Variants in MFSD12 observed in about 807,000 individuals in gnomAD.
MFSD12 encodes major facilitator superfamily domain containing 12.
MFSD12 carries 67 observed loss-of-function variants against 51.2 expected under a neutral mutation model. The ratio of observed to expected loss-of-function variants is 1.31; its 90% CI spans 1.08 to 1.60. The LOEUF (loss-of-function observed/expected upper bound fraction) is 1.60, where lower values mean the gene tolerates loss of function less well. Ranked by LOEUF, MFSD12 falls within the 40% of genes most tolerant of loss-of-function variation. The pLI, the probability that MFSD12 is intolerant of heterozygous loss-of-function variation, is 0.00. For synonymous variants in MFSD12, 441 were observed against 316.7 expected (o/e 1.39, Z -4.17); for missense variants, 921 against 673.0 (o/e 1.37, Z -4.08).
chr19:3,546,425 T>A lies in MFSD12; in HGVS notation c.1024A>T (p.Met342Leu), dbSNP rs369874343. 4 of 1,603,812 alleles carry A rather than the reference T, an allele frequency of 2.5e-6. No homozygotes were observed. In the African/African-American group the frequency reaches 5.3e-5, roughly 21 times the overall value. Residue 342 changes from methionine (M) to leucine (L), a missense_variant and splice_region_variant, in exon 7 of 10, where the codon ATG becomes TTG. By Grantham distance (15) the Met-to-Leu change is conservative (BLOSUM62 2). Coordinates refer to ENST00000355415, the MANE Select transcript of MFSD12 (RefSeq NM_174983.5). ...ACCAGGAGGCCTGAGAAGTAGGTCATCTGCAGGGACAGCCCCGGGGTCAGG... is the reference window on the plus strand; with the variant it reads ...ACCAGGAGGCCTGAGAAGTAGGTCAACTGCAGGGACAGCCCCGGGGTCAGG... The part of the protein sequence containing the change: ...KPINKCIGRN[M>L]TYFSGLLVIL...
At chr19:3,538,685 G>A in exon 5 of MFSD12, 1 of 472,806 alleles carries the variant, frequency 2.1e-6, no homozygotes, top group Middle Eastern at 3.3e-4. Flanking sequence ...CACCTTCACT[G>A]GGTGTTCGGT....
At chr19:3,543,192 G>A (rs537224614), downstream of MFSD12, 29 of 1,529,458 alleles carry the variant, frequency 1.9e-5, no homozygotes, top group South Asian at 2.2e-4. Context: ...CAAAGCACTC[G>A]CTGTAGACAT....
chr19:3,549,886 A>T (rs1490701485), intron 2 of MFSD12, among the ~76,000 whole-genome samples: 2 of 151,552 alleles, frequency 1.3e-5, no homozygotes, highest in East Asian at 3.9e-4. Context: ...CAAAAAAAAA[A>T]TTAGCCGAGA....
chr19:3,547,862 G>A lies in MFSD12; in HGVS notation c.823C>T (p.Pro275Ser), dbSNP rs1353484534. 7.9e-6 allele frequency: 12 copies of A among 1,514,662 alleles called. No homozygotes were observed. Among genetic ancestry groups the A allele is most frequent in the Non-Finnish European group, 9.7e-6 (11 of 1,136,622 alleles). The allele number at this position is 1,514,662 out of a possible 1,614,324, so 93.8% of individuals were successfully genotyped here. The change falls in exon 4 of 10, where the codon CCG (proline) becomes TCG (serine). Residue 275 changes from proline (P) to serine (S), a missense_variant. Transcript: ENST00000355415. ...CCAGCACGCACCTGGTAGAAAGCCG[G>A]CTCCCGGAGCCAGTGCTTCCAGAGC... ...LLLWKHWLRE[P>S]AFYQVGILYM... is the part of the protein sequence containing the mutation.
chr19:3,544,602 G>A lies in MFSD12; in HGVS notation c.*108C>T. On this transcript the variant is annotated 3_prime_UTR_variant, in exon 10 of 10. Coordinates refer to ENST00000355415, the MANE Select transcript of MFSD12 (RefSeq NM_174983.5). Reference sequence around the variant, plus strand: ...GGAGCTGGGTGAGGATGGAGGGTGGGGGTCCAGAGAAGAGTGAGGGGCAGT... The same window carrying A: ...GGAGCTGGGTGAGGATGGAGGGTGGAGGTCCAGAGAAGAGTGAGGGGCAGT... The A allele has an allele frequency of 1.3e-6, 2 of 1,489,598 alleles. No individual in the cohort carries two copies. The highest frequency in any genetic ancestry group is 2.3e-5 in the East Asian group (1 of 43,020). The allele number at this position is 1,489,598 out of a possible 1,614,324, so 92.3% of individuals were successfully genotyped here. A position where few individuals can be genotyped will look rare whatever the true frequency, so the allele number is the denominator to read the frequency against.
chr19:3,543,051 T>A, downstream of MFSD12: 1 of 1,603,000 alleles, frequency 6.2e-7, no homozygotes, highest in African/African-American at 1.3e-5. Context: ...AGTCAGCCTC[T>A]CTCCTCAAGC....
In MFSD12 at chr19:3,551,015, C is replaced by A; in HGVS notation, c.478G>T (p.Asp160Tyr). The change falls in exon 2 of 10, where the codon GAC becomes TAC. Residue 160 changes from aspartate (D) to tyrosine (Y), a missense_variant. By Grantham distance (160) the Asp-to-Tyr change is radical. Transcript: ENST00000355415. This position sits in a 1 kb window ranked among gnomAD's most constrained non-coding sequence, Gnocchi z 4.6. ...GCCGTGAGCTCCACCTTCTCATGGTCGTTGGTGACGAGCTCCGGGATGAGG... is the reference window on the plus strand; with the variant it reads ...GCCGTGAGCTCCACCTTCTCATGGTAGTTGGTGACGAGCTCCGGGATGAGG... ...LSLIPELVTN[D>Y]HEKVELTALR... The A allele has an allele frequency of 6.2e-7, 1 of 1,612,502 alleles. No homozygotes were observed. Among genetic ancestry groups the A allele is most frequent in the South Asian group, 1.1e-5 (1 of 91,028 alleles).
rs374403980 is a variant in MFSD12 at position 3,551,197 on chromosome 19, G to C, written c.299-3C>G. On this transcript the variant is annotated splice_region_variant and splice_polypyrimidine_tract_variant and intron_variant, in intron 1 of 9. Coordinates refer to ENST00000355415, the MANE Select transcript of MFSD12 (RefSeq NM_174983.5). The surrounding 1 kb of genome is among the most constrained non-coding windows in gnomAD (Gnocchi z 4.6). ...GGACAGCAGGACGCAGACGGTGCCT[G>C]TGGAAGGCAGAGTGGTCAGTCGCGG... 6.3e-7 allele frequency: 1 copy of C among 1,597,652 alleles called. No homozygotes were observed. Among genetic ancestry groups the C allele is most frequent in the Non-Finnish European group, 8.5e-7 (1 of 1,171,886 alleles).
At chr19:3,546,004 T>C in intron 8 of MFSD12, 70 bp downstream of exon 8, 1 of 1,531,094 alleles carries the variant, frequency 6.5e-7, no homozygotes, top group Non-Finnish European at 9.0e-7. Context: ...AGAACACTGC[T>C]GGACACACAG....
In MFSD12 at chr19:3,539,178, A is replaced by G. The variant is rs960251041; in HGVS notation, c.*6-422T>C. The stretch of plus-strand genomic sequence containing the variant: ...AGGAGCCCGGGGGATCCAGGCAGAC[A>G]TGCAAACCCTCAGGCAAGAGGCTGC... On this transcript the variant is annotated intron_variant, in intron 4 of 4. Coordinates refer to the MFSD12 transcript ENST00000398558. 5.1e-5 allele frequency: 79 copies of G among 1,549,762 alleles called. No individual in the cohort carries two copies. In the East Asian group the frequency reaches 1.7e-3, roughly 33 times the overall value.
Position 3,548,190 on chromosome 19 carries a change from C to A in MFSD12, c.587G>T (p.Arg196Leu). The A allele has an allele frequency of 6.3e-7, 1 of 1,576,956 alleles. No individual in the cohort carries two copies. The highest frequency in any genetic ancestry group is 8.6e-7 in the Non-Finnish European group (1 of 1,162,984). ...WLLLHLQGSSRVEPTQDISIS... is the reference protein window; with the variant it reads ...WLLLHLQGSSLVEPTQDISIS... ...GCTGATGTCTTGGGTGGGCTCCACC[C>A]GCGACGAGCCCTGCAGGTGCAGCAG... Residue 196 changes from arginine (R) to leucine (L), a missense_variant, in exon 3 of 10, where the codon CGG becomes CTG. Physicochemically the swap from Arg to Leu is moderately radical, Grantham distance 102 (BLOSUM62 -2). Transcript: ENST00000355415.
rs2030816762 is a variant in MFSD12 at position 3,544,797 on chromosome 19, G to GC, written c.1420+11dup. The GC allele has an allele frequency of 5.2e-6, 3 of 579,546 alleles. No homozygotes were observed. The highest frequency in any genetic ancestry group is 2.8e-5 in the South Asian group (2 of 72,718). 35.9% of individuals were successfully genotyped at this position (579,546 alleles called of 1,614,324 possible). ...TCAGTGTCTGGGGAGGGAGGGGTGG[G>GC]CCAGGACTCACAGCGTCGCAGGCGG... On this transcript the variant is annotated intron_variant, in intron 9 of 9. Transcript: ENST00000355415.
At chr19:3,552,078 G>C (rs920372642) in intron 1 of MFSD12, among the ~76,000 whole-genome samples, 1 of 152,072 alleles carries the variant, frequency 6.6e-6, no homozygotes, top group African/African-American at 2.4e-5. Flanking sequence ...GGAATTCTCT[G>C]TCTGCCGGCT....
At position 3,544,589 on chromosome 19, in the gene MFSD12, G is replaced by A. The variant is rs2030782999; in HGVS notation, c.*121C>T. ...GACCCCACCCCCGGGAGCTGGGTGA[G>A]GATGGAGGGTGGGGGTCCAGAGAAG... On this transcript the variant is annotated 3_prime_UTR_variant, in exon 10 of 10. Transcript: ENST00000355415. 2.7e-6 allele frequency: 4 copies of A among 1,475,806 alleles called. No individual in the cohort carries two copies. The highest frequency in any genetic ancestry group is 2.8e-5 in the African/African-American group (2 of 71,126). 91.4% of individuals were successfully genotyped at this position (1,475,806 alleles called of 1,614,324 possible). A position where few individuals can be genotyped will look rare whatever the true frequency, so the allele number is the denominator to read the frequency against.
At chr19:3,545,961 G>A (rs954719128) in intron 8 of MFSD12, 113 bp downstream of exon 8, 10 of 1,062,828 alleles carry the variant, frequency 9.4e-6, no homozygotes, top group East Asian at 2.4e-5. Flanking sequence ...ATTGGGGCAG[G>A]TGTCTTTGGT....
intron 2 of MFSD12, among the ~76,000 whole-genome samples, chr19:3,549,686 G>A (rs1012080890): frequency 5.1e-5 from 7 of 138,258 alleles, no homozygotes; most frequent in African/African-American, 1.7e-4. Flanking sequence ...TGGCGCCACT[G>A]CACTCCAGCC....
At chr19:3,541,781 G>T, downstream of MFSD12, 1 of 985,194 alleles carries the variant, frequency 1.0e-6, no homozygotes. Flanking sequence ...AGGGGTGAGG[G>T]GCTCATTTCT....
At chr19:3,543,753 C>T (rs756300020), downstream of MFSD12, 120 of 1,490,626 alleles carry the variant, frequency 8.1e-5, no homozygotes, top group Middle Eastern at 4.5e-4. Flanking sequence ...TGAAACTGCC[C>T]GGGGCGATCC....
chr19:3,542,392 G>A, downstream of MFSD12: 1 of 985,314 alleles, frequency 1.0e-6, no homozygotes, highest in Non-Finnish European at 1.2e-6. Flanking sequence ...ACTGTCTTGG[G>A]GCCAGCAACC....
Sources: allele counts gnomAD v4.1 joint callset (sites outside exome capture counted in the v4.1 genomes callset), GRCh38; gene constraint gnomAD v4.1.1; non-coding constraint Gnocchi (gnomAD v3.1); transcripts MANE v1.5; gene names NCBI Gene and HGNC (gene_info 2026-07-23, HGNC 2026-07-21).